The following MECOM variants were observed in gnomAD, a reference collection of about 807,000 sequenced individuals.
MECOM encodes the protein MDS1 and EVI1 complex locus.
MECOM carries 13 observed loss-of-function variants against 116.3 expected under a neutral mutation model. That is an observed-to-expected ratio of 0.11 (90% CI 0.07 to 0.18). The LOEUF (loss-of-function observed/expected upper bound fraction) is 0.18. Among genes scored for constraint, MECOM ranks in the 10% least tolerant of loss-of-function variants. The pLI is 1.00. For missense variants in MECOM, 1,299 were observed against 1,509.0 expected (o/e 0.86, Z 2.31); for synonymous variants, 528 against 535.2 (o/e 0.99, Z 0.19).
intron 2 of MECOM, among the ~76,000 whole-genome samples, chr3:169,190,550 C>T (rs541378216): frequency 6.6e-6 from 1 of 152,154 alleles, no homozygotes; most frequent in East Asian, 1.9e-4. Flanking sequence ...ATCTGATCAT[C>T]TCAAAAACCT....
At chr3:169,360,505 G>A (rs1728120374) in intron 2 of MECOM, among the ~76,000 whole-genome samples, 1 of 151,456 alleles carries the variant, frequency 6.6e-6, no homozygotes, top group Non-Finnish European at 1.5e-5. Flanking sequence ...GGACAACCAG[G>A]TACCATAATT....
chr3:169,380,491 G>A (rs1577924450), intron 2 of MECOM, among the ~76,000 whole-genome samples: 1 of 152,162 alleles, frequency 6.6e-6, no homozygotes, highest in East Asian at 1.9e-4. Flanking sequence ...TCTTTAATCA[G>A]ACTATAACTT....
chr3:169,283,629 T>A (rs1712642273), intron 2 of MECOM, among the ~76,000 whole-genome samples: 6 of 152,168 alleles, frequency 3.9e-5, no homozygotes, highest in Admixed American at 3.9e-4. Flanking sequence ...TACTGGCATC[T>A]CTCTCATATT....
chr3:169,483,710 C>G (rs1751715464), intron 1 of MECOM: 1 of 1,585,562 alleles, frequency 6.3e-7, no homozygotes, highest in Admixed American at 1.7e-5. Context: ...CCTGGTTAAT[C>G]TGGAAGTAAC....
At chr3:169,121,461 T>G (rs547694359) in intron 6 of MECOM, among the ~76,000 whole-genome samples, 12 of 152,308 alleles carry the variant, frequency 7.9e-5, no homozygotes, top group Non-Finnish European at 1.8e-4. Flanking sequence ...ATGGCACTAT[T>G]AGGCCATATT....
intron 1 of MECOM, among the ~76,000 whole-genome samples, chr3:169,428,991 C>CA (rs5854332): frequency 0.1 from 15,716 of 152,022 alleles, 1,093 homozygotes; most frequent in East Asian, 0.23. Flanking sequence ...AAAACAAAGC[C>CA]AAAAATATAT....
In MECOM at chr3:169,304,978, T is replaced by G. The variant is rs78581092; in HGVS notation, c.375+76209A>C. 2.8e-3 allele frequency among the ~76,000 whole-genome samples: 419 copies of G among 152,356 alleles called. 5 individuals are homozygous for G. Among genetic ancestry groups the G allele is most frequent in the African/African-American group, 9.7e-3 (403 of 41,580 alleles). On this transcript the variant is annotated intron_variant, in intron 2 of 16. Coordinates refer to ENST00000651503, the MANE Select transcript of MECOM (RefSeq NM_004991.4). ...AAAACATTTGTAACGATAAGATCTT[T>G]GAAAGGGTAGCTTAAGATTTCTTTA... is the stretch of plus-strand genomic sequence containing the variant.
At chr3:169,303,934 G>C (rs1376167285) in intron 2 of MECOM, among the ~76,000 whole-genome samples, 1 of 152,226 alleles carries the variant, frequency 6.6e-6, no homozygotes, top group Non-Finnish European at 1.5e-5. Flanking sequence ...TTATCAGAGA[G>C]GGTCATGAGA....
At chr3:169,141,474 C>T (rs900022723) in intron 3 of MECOM, among the ~76,000 whole-genome samples, 2 of 151,988 alleles carry the variant, frequency 1.3e-5, no homozygotes, top group Non-Finnish European at 2.9e-5. Flanking sequence ...TGCTTATTCA[C>T]CATTTGGCAG....
intron 1 of MECOM, among the ~76,000 whole-genome samples, chr3:169,515,350 C>T (rs1423834594): frequency 6.6e-6 from 1 of 152,152 alleles, no homozygotes; most frequent in Non-Finnish European, 1.5e-5. Context: ...CCTGTGGGGC[C>T]AGCAGCCTAG....
chr3:169,407,938 T>C (rs1430853906), intron 1 of MECOM, among the ~76,000 whole-genome samples: 1 of 152,228 alleles, frequency 6.6e-6, no homozygotes, highest in Non-Finnish European at 1.5e-5. Context: ...ATCTACTTAT[T>C]GGCCTCAGAA....
At chr3:169,437,961 C>T (rs139835674) in intron 1 of MECOM, among the ~76,000 whole-genome samples, 20 of 152,228 alleles carry the variant, frequency 1.3e-4, no homozygotes, top group African/African-American at 3.4e-4. Flanking sequence ...GGAAAGTATA[C>T]GACACAACCA....
intron 2 of MECOM, among the ~76,000 whole-genome samples, chr3:169,359,620 T>C (rs1011758918): frequency 4.0e-5 from 6 of 151,762 alleles, no homozygotes; most frequent in African/African-American, 1.2e-4. Context: ...ACTATTCTTC[T>C]ACCTTTATAT....
At chr3:169,491,857 C>T (rs1055864614) in intron 1 of MECOM, among the ~76,000 whole-genome samples, 1 of 152,228 alleles carries the variant, frequency 6.6e-6, no homozygotes, top group African/African-American at 2.4e-5. Context: ...AATCACATCA[C>T]ATTCATCTAT....
At chr3:169,099,130 AC>A (rs34751044) in intron 12 of MECOM, among the ~76,000 whole-genome samples, 4,317 of 84,346 alleles carry the variant, frequency 0.051, 199 homozygotes, top group African/African-American at 0.14. Context: ...AAAAAAAAAA[AC>A]CCAGAGGGGC....
intron 1 of MECOM, among the ~76,000 whole-genome samples, chr3:169,586,318 A>G (rs1765772541): frequency 6.6e-6 from 1 of 152,166 alleles, no homozygotes; most frequent in Non-Finnish European, 1.5e-5. Flanking sequence ...CTTTTCCCAT[A>G]CCTTTATATT....
At chr3:169,584,363 A>C in intron 1 of MECOM, among the ~76,000 whole-genome samples, 1 of 151,334 alleles carries the variant, frequency 6.6e-6, no homozygotes, top group African/African-American at 2.4e-5. Flanking sequence ...CTGGAGATAG[A>C]GACCATCTTG....
At chr3:169,371,636 C>T (rs1251205158) in intron 2 of MECOM, among the ~76,000 whole-genome samples, 4 of 151,746 alleles carry the variant, frequency 2.6e-5, no homozygotes, top group Non-Finnish European at 4.4e-5. Context: ...CGTTGTACAC[C>T]TTGAATGTAT....
intron 16 of MECOM, 24 bp downstream of exon 16, chr3:169,088,976 G>T (rs1384805108): frequency 9.8e-6 from 15 of 1,533,484 alleles, no homozygotes; most frequent in Non-Finnish European, 1.3e-5. Context: ...TAACCATGAT[G>T]CTGTACTATG....
Sources: allele counts gnomAD v4.1 joint callset (sites outside exome capture counted in the v4.1 genomes callset), GRCh38; gene constraint gnomAD v4.1.1; transcripts MANE v1.5; gene names NCBI Gene and HGNC (gene_info 2026-07-23, HGNC 2026-07-21).